Variants in ATOSA observed in about 807,000 individuals in gnomAD.
The protein encoded by ATOSA is atos homolog protein A.
At chr15:52,616,160 CTA>C in the ATOSA span, among the ~76,000 whole-genome samples, 1 of 152,142 alleles carries the variant, frequency 6.6e-6, no homozygotes, top group Admixed American at 6.5e-5. Context: ...CGTTAGCAGT[CTA>C]TGTTATAAGA....
chr15:52,654,242 A>C, the ATOSA span, among the ~76,000 whole-genome samples: 1 of 152,188 alleles, frequency 6.6e-6, no homozygotes, highest in East Asian at 1.9e-4. Flanking sequence ...ATAAATGATA[A>C]AAGACACTCC....
the ATOSA span, chr15:52,658,006 A>G: frequency 6.6e-6 from 1 of 152,226 alleles, no homozygotes; most frequent in Admixed American, 6.5e-5. Flanking sequence ...AAAAAATTGT[A>G]AAGTCACTGC....
At chr15:52,609,380 C>A in the ATOSA span, 73 of 1,613,746 alleles carry the variant, frequency 4.5e-5, no homozygotes, top group Middle Eastern at 6.6e-4. Context: ...GAACTGGAGT[C>A]ATGCATGTTG....
chr15:52,617,038 T>TA, the ATOSA span, among the ~76,000 whole-genome samples: 15 of 152,042 alleles, frequency 9.9e-5, no homozygotes, highest in South Asian at 4.2e-4. Flanking sequence ...TCATCAAAAA[T>TA]AAAAAAAATT....
At chr15:52,652,148 G>T in the ATOSA span, 1 of 1,113,136 alleles carries the variant, frequency 9.0e-7, no homozygotes, top group Non-Finnish European at 1.2e-6. Context: ...GTCCACTACA[G>T]CTTCCTGTCT....
At chr15:52,584,369 T>C in the ATOSA span, among the ~76,000 whole-genome samples, 2 of 152,030 alleles carry the variant, frequency 1.3e-5, no homozygotes, top group Non-Finnish European at 2.9e-5. Flanking sequence ...CTCAAACTCC[T>C]GAAGGTGATT....
the ATOSA span, chr15:52,601,110 T>C: frequency 6.5e-7 from 1 of 1,540,124 alleles, no homozygotes; most frequent in South Asian, 1.2e-5. Context: ...GCTTTTCAGA[T>C]GTAGTAATGA....
At chr15:52,605,226 T>G in the ATOSA span, 1 of 1,609,252 alleles carries the variant, frequency 6.2e-7, no homozygotes, top group Non-Finnish European at 8.5e-7. Context: ...GCCACACATT[T>G]GAATGTTTCA....
the ATOSA span, among the ~76,000 whole-genome samples, chr15:52,604,823 G>C: frequency 2.0e-5 from 3 of 152,252 alleles, no homozygotes; most frequent in South Asian, 6.2e-4. Flanking sequence ...AGATGACCCA[G>C]TTAGTGGTAT....
the ATOSA span, among the ~76,000 whole-genome samples, chr15:52,582,707 T>C: frequency 6.6e-6 from 1 of 152,212 alleles, no homozygotes; most frequent in Non-Finnish European, 1.5e-5. Flanking sequence ...TCTAGCTCCA[T>C]AGACTGACCC....
the ATOSA span, among the ~76,000 whole-genome samples, chr15:52,655,322 A>G: frequency 2.6e-5 from 4 of 152,164 alleles, no homozygotes; most frequent in African/African-American, 4.8e-5. Context: ...CCTCAAAATT[A>G]CCATTAATAC....
chr15:52,669,180 C>G, the ATOSA span, among the ~76,000 whole-genome samples: 1 of 152,100 alleles, frequency 6.6e-6, no homozygotes, highest in Non-Finnish European at 1.5e-5. Context: ...CTCAGCCTTC[C>G]AAAGTGCTGG....
At chr15:52,677,099 GA>G in the ATOSA span, among the ~76,000 whole-genome samples, 3 of 151,910 alleles carry the variant, frequency 2.0e-5, no homozygotes, top group Non-Finnish European at 4.4e-5. Flanking sequence ...TAATCACTTT[GA>G]AAAAATATAT....
At chr15:52,612,478 A>T in the ATOSA span, among the ~76,000 whole-genome samples, 1 of 149,838 alleles carries the variant, frequency 6.7e-6, no homozygotes, top group African/African-American at 2.5e-5. Context: ...ACTCATTTTC[A>T]TTAAACGCTC....
chr15:52,589,764 CAA>C, the ATOSA span, among the ~76,000 whole-genome samples: 1 of 151,664 alleles, frequency 6.6e-6, no homozygotes, highest in East Asian at 1.9e-4. Flanking sequence ...ATATTTAACA[CAA>C]AAGAGAAAAA....
At chr15:52,602,437 T>C in the ATOSA span, among the ~76,000 whole-genome samples, 3 of 152,334 alleles carry the variant, frequency 2.0e-5, no homozygotes, top group Admixed American at 2.0e-4. Context: ...TAAGGTGCTT[T>C]GTAATTTTTT....
chr15:52,708,959 G>T, the ATOSA span, among the ~76,000 whole-genome samples: 12 of 152,108 alleles, frequency 7.9e-5, no homozygotes, highest in African/African-American at 2.2e-4. Context: ...GCCCAGTCAG[G>T]TAACACAATT....
the ATOSA span, among the ~76,000 whole-genome samples, chr15:52,699,258 G>T: frequency 6.6e-6 from 1 of 152,094 alleles, no homozygotes; most frequent in Admixed American, 6.5e-5. Context: ...CTTCACAGTG[G>T]TGGCAGTTGG....
chr15:52,608,964 CTGTT>C, the ATOSA span: 2 of 1,611,342 alleles, frequency 1.2e-6, no homozygotes. Flanking sequence ...TTGTACAAAT[CTGTT>C]TGTCAATAGT....
Sources: allele counts gnomAD v4.1 joint callset (sites outside exome capture counted in the v4.1 genomes callset), GRCh38; gene constraint gnomAD v4.1.1; transcripts MANE v1.5; gene names NCBI Gene and HGNC (gene_info 2026-07-23, HGNC 2026-07-21).